Variants in PTPRD observed in about 807,000 individuals in gnomAD.
PTPRD encodes the protein protein tyrosine phosphatase receptor type D, also known as receptor-type tyrosine-protein phosphatase delta.
Under a neutral mutation model 214.5 loss-of-function variants are expected in PTPRD, and 34 were observed. That is an observed-to-expected ratio of 0.16 (90% confidence interval 0.12 to 0.21). The LOEUF is 0.21. Ranked by LOEUF, PTPRD falls within the 10% of genes least tolerant of loss-of-function variation. The probability of loss-of-function intolerance (pLI) is 1.00; values close to 1 mark genes in which losing one functional copy is unlikely to be tolerated. For missense variants in PTPRD, 2,545 were observed against 2,398.7 expected, an observed-to-expected ratio of 1.06 and a Z score of -1.27; for synonymous variants, 1,128 against 845.7, an observed-to-expected ratio of 1.33 and a Z score of -5.79.
At chr9:8,968,346 G>T (rs1490582497) in intron 11 of PTPRD, among the ~76,000 whole-genome samples, 1 of 151,954 alleles carries the variant, frequency 6.6e-6, no homozygotes, top group African/African-American at 2.4e-5. Context: ...TTCCACAATG[G>T]TTGAACTAGT....
chr9:8,665,986 C>A (rs1485487914), intron 12 of PTPRD, among the ~76,000 whole-genome samples: 1 of 150,782 alleles, frequency 6.6e-6, no homozygotes, highest in African/African-American at 2.4e-5. Flanking sequence ...AACTAAAGAA[C>A]TGAACAATTA....
chr9:9,821,861 T>C (rs917254100), intron 5 of PTPRD, among the ~76,000 whole-genome samples: 7 of 151,138 alleles, frequency 4.6e-5, no homozygotes, highest in Admixed American at 2.6e-4. Context: ...AGGACATGCA[T>C]GTGCATGCCT....
At chr9:8,783,781 T>C (rs1351773790) in intron 11 of PTPRD, among the ~76,000 whole-genome samples, 1 of 152,146 alleles carries the variant, frequency 6.6e-6, no homozygotes, top group Non-Finnish European at 1.5e-5. Flanking sequence ...AACTGTATTT[T>C]ATTCCTTTAC....
rs1288641433 is a variant in PTPRD, at chr9:9,495,326, GCAA to G, written c.-237+79403_-237+79405del. Among the ~76,000 whole-genome samples, 7 of 141,316 alleles carry G rather than the reference GCAA, an allele frequency of 5.0e-5. No individual in the cohort carries two copies. The East Asian group carries it at 6.1e-4, about 12-fold the overall frequency. The allele number at this position is 141,316 out of a possible 152,430, so 92.7% of individuals were successfully genotyped here. A position where few individuals can be genotyped will look rare whatever the true frequency, so the allele number is the denominator to read the frequency against. On this transcript the variant is annotated intron_variant, in intron 8 of 45. Transcript: ENST00000381196. ...CCTTCAAGCCAAAAAAAAAAAAAAA[GCAA>G]CAACAACAACAACAACAAAAACCCA... is the stretch of plus-strand genomic sequence containing the variant.
At chr9:8,758,816 G>A (rs1233290247) in intron 11 of PTPRD, among the ~76,000 whole-genome samples, 1 of 151,054 alleles carries the variant, frequency 6.6e-6, no homozygotes, top group Non-Finnish European at 1.5e-5. Flanking sequence ...AGAGTGCAAT[G>A]GCGCGATGAC....
intron 9 of PTPRD, among the ~76,000 whole-genome samples, chr9:9,306,165 A>T (rs561627554): frequency 2.6e-5 from 4 of 152,270 alleles, no homozygotes; most frequent in Admixed American, 6.5e-5. Context: ...TATGAGTAAA[A>T]ACATGTTTGA....
At chr9:9,715,578 G>A (rs1274218982) in intron 7 of PTPRD, among the ~76,000 whole-genome samples, 1 of 152,034 alleles carries the variant, frequency 6.6e-6, no homozygotes, top group Non-Finnish European at 1.5e-5. Flanking sequence ...AAACTGAAAA[G>A]ACAAAATATA....
intron 3 of PTPRD, among the ~76,000 whole-genome samples, chr9:10,226,753 T>C (rs1330475622): frequency 6.6e-6 from 1 of 152,034 alleles, no homozygotes; most frequent in Non-Finnish European, 1.5e-5. Flanking sequence ...AGATAAAATC[T>C]GTGTGTATGT....
chr9:9,488,688 A>G (rs2095765435), intron 8 of PTPRD, among the ~76,000 whole-genome samples: 1 of 152,206 alleles, frequency 6.6e-6, no homozygotes, highest in Admixed American at 6.5e-5. Context: ...TATCTGATGT[A>G]AACATTTTGG....
rs10115969 is a variant in PTPRD, at chr9:9,794,201, G to A, written c.-367-27350C>T. 2.3e-3 allele frequency among the ~76,000 whole-genome samples: 340 copies of A among 147,062 alleles called. 2 individuals carry two copies. The highest frequency in any genetic ancestry group is 7.2e-3 in the African/African-American group (289 of 40,078). Reference sequence around the variant, plus strand: ...TGTATATATACATATGTGTGTGTGTGTATATATATATATATACACGTACAT... The same window carrying A: ...TGTATATATACATATGTGTGTGTGTATATATATATATATATACACGTACAT... On this transcript the variant is annotated intron_variant, in intron 5 of 45. Coordinates refer to ENST00000381196, the MANE Select transcript of PTPRD (RefSeq NM_002839.4).
chr9:9,516,313 T>A (rs942016601), intron 8 of PTPRD, among the ~76,000 whole-genome samples: 4 of 152,018 alleles, frequency 2.6e-5, no homozygotes, highest in African/African-American at 9.7e-5. Flanking sequence ...ACCATTCAGC[T>A]TTTGTTGTCT....
intron 7 of PTPRD, among the ~76,000 whole-genome samples, chr9:9,673,719 G>C (rs1399749868): frequency 7.0e-6 from 1 of 143,708 alleles, no homozygotes; most frequent in Non-Finnish European, 1.5e-5. Context: ...AGACAATTTA[G>C]AAAAAAAAAA....
At chr9:10,121,082 G>C (rs1311025178) in intron 3 of PTPRD, among the ~76,000 whole-genome samples, 3 of 152,084 alleles carry the variant, frequency 2.0e-5, no homozygotes, top group Non-Finnish European at 4.4e-5. Flanking sequence ...GGTCAAGGGT[G>C]TTTTTAAAAT....
chr9:8,606,788 C>T (rs558366205), intron 14 of PTPRD, among the ~76,000 whole-genome samples: 11 of 152,290 alleles, frequency 7.2e-5, no homozygotes, highest in Non-Finnish European at 1.3e-4. Context: ...TCCTTAGTTG[C>T]CACATTTTAA....
chr9:8,421,183 TG>T (rs1482994252), intron 35 of PTPRD, among the ~76,000 whole-genome samples: 1 of 152,152 alleles, frequency 6.6e-6, no homozygotes, highest in Non-Finnish European at 1.5e-5. Context: ...GCTTGGAAAG[TG>T]GGAGATGCAA....
At chr9:9,179,113 T>A (rs2131335306) in intron 10 of PTPRD, among the ~76,000 whole-genome samples, 1 of 152,226 alleles carries the variant, frequency 6.6e-6, no homozygotes, top group South Asian at 2.1e-4. Flanking sequence ...TAAAATCAAC[T>A]AAAGAAACCT....
intron 2 of PTPRD, among the ~76,000 whole-genome samples, chr9:10,463,106 T>C (rs1588725021): frequency 6.6e-6 from 1 of 151,980 alleles, no homozygotes; most frequent in African/African-American, 2.4e-5. Flanking sequence ...TAATGCCTAC[T>C]ATATGTTGAG....
At position 8,699,498 on chromosome 9, in the gene PTPRD, AT is replaced by A. The variant is rs565265624; in HGVS notation, c.64+34281del. On this transcript the variant is annotated intron_variant, in intron 12 of 45. Transcript: ENST00000381196. ...ATAATGACTCATTTAGAATACATTT[AT>A]TTAACAAAGGAAAACAAAGTAAACT... is the stretch of plus-strand genomic sequence containing the variant. Among the ~76,000 whole-genome samples, 121 of 152,348 alleles carry A rather than the reference AT, an allele frequency of 7.9e-4. 2 individuals are homozygous for A. Among genetic ancestry groups the A allele is most frequent in the Admixed American group, 5.4e-3 (83 of 15,304 alleles).
At chr9:9,695,219 C>T (rs1284709987) in intron 7 of PTPRD, among the ~76,000 whole-genome samples, 1 of 152,110 alleles carries the variant, frequency 6.6e-6, no homozygotes, top group African/African-American at 2.4e-5. Context: ...GCACTGGGTT[C>T]CATTTTGGCC....
Sources: gnomAD v4.1 joint callset for allele counts (sites outside exome capture counted in the v4.1 genomes callset) on GRCh38, gnomAD v4.1.1 for gene constraint, MANE v1.5 for transcripts, NCBI Gene and HGNC (gene_info 2026-07-23, HGNC 2026-07-21) for gene names.